INTS3: variants seen among roughly 807,000 people sequenced by gnomAD.
INTS3 encodes SOSS complex subunit A.
INTS3 carries 34 observed loss-of-function variants against 146.3 expected under a neutral mutation model. That is an observed-to-expected ratio of 0.23 (90% CI 0.18 to 0.31). The LOEUF (loss-of-function observed/expected upper bound fraction) is 0.31. INTS3 is among the 10% of genes least tolerant of loss of function. INTS3 has a pLI of 1.00. For synonymous variants in INTS3, 475 were observed against 494.9 expected (o/e 0.96, Z 0.53); for missense variants, 757 against 1,304.2 (o/e 0.58, Z 6.46).
In INTS3 at chr1:153,741,317, C is replaced by G; in HGVS notation, c.267C>G (p.Ile89Met). 1 of 1,614,122 alleles carries G rather than the reference C, an allele frequency of 6.2e-7. No individual in the cohort carries two copies. Among genetic ancestry groups the G allele is most frequent in the Non-Finnish European group, 8.5e-7 (1 of 1,180,008 alleles). Reference sequence around the variant, plus strand: ...AAGGCCTCCCCCAGCATGAAGAAATCTGCCTGGGCCTGTTTACTCTCATCC... The same window carrying G: ...AAGGCCTCCCCCAGCATGAAGAAATGTGCCTGGGCCTGTTTACTCTCATCC... ...VCKGLPQHEE[I>M]CLGLFTLILT... is the part of the protein sequence containing the mutation. The change falls in exon 3 of 30, where the codon ATC becomes ATG. Residue 89 changes from isoleucine (I) to methionine (M), a missense_variant. Transcript: ENST00000318967.
intron 9 of INTS3, among the ~76,000 whole-genome samples, chr1:153,756,622 C>T (rs928687673): frequency 4.6e-5 from 7 of 152,108 alleles, no homozygotes; most frequent in Non-Finnish European, 1.5e-5. Flanking sequence ...TCGAGACCAG[C>T]CTGACCAACA....
At position 153,769,804 on chromosome 1, in the gene INTS3, C is replaced by A; in HGVS notation, c.2349C>A (p.Asn783Lys). The change falls in exon 23 of 30, where the codon AAC becomes AAA. Residue 783 changes from asparagine to lysine, a missense_variant. Asn to Lys is a moderately conservative substitution (Grantham distance 94, BLOSUM62 0). Coordinates refer to ENST00000318967, the MANE Select transcript of INTS3 (RefSeq NM_023015.5). ...TGGTCTGCCACGTGATGATGGGTAA[C>A]CTGGTTATGTTTCGAAAAGACTCAG... is the stretch of plus-strand genomic sequence containing the variant. ...QELVCHVMMG[N>K]LVMFRKDSVL... 1 of 1,613,762 alleles carries A rather than the reference C, an allele frequency of 6.2e-7. No individual in the cohort carries two copies. Among genetic ancestry groups the A allele is most frequent in the African/African-American group, 1.3e-5 (1 of 74,966 alleles).
intron 1 of INTS3, among the ~76,000 whole-genome samples, chr1:153,729,972 A>G (rs1312290778): frequency 6.6e-6 from 1 of 152,104 alleles, no homozygotes; most frequent in African/African-American, 2.4e-5. Flanking sequence ...CAGGATGAGT[A>G]CATTAACAGG....
At chr1:153,736,286 T>G (rs191564082) in intron 1 of INTS3, among the ~76,000 whole-genome samples, 8 of 152,288 alleles carry the variant, frequency 5.3e-5, no homozygotes, top group Admixed American at 5.2e-4. Flanking sequence ...TTGTAATAAG[T>G]GGCTTGGGGC....
intron 3 of INTS3, among the ~76,000 whole-genome samples, chr1:153,742,331 A>T (rs531920756): frequency 4.6e-5 from 7 of 152,362 alleles, no homozygotes; most frequent in Admixed American, 1.3e-4. Context: ...AAGATCCTTG[A>T]AGACAAATGA....
intron 21 of INTS3, among the ~76,000 whole-genome samples, chr1:153,768,363 G>A (rs1336416855): frequency 6.6e-6 from 1 of 152,186 alleles, no homozygotes; most frequent in East Asian, 1.9e-4. Flanking sequence ...GAGGAACTGT[G>A]ATCTCAGCCG....
chr1:153,751,329 GT>G, intron 7 of INTS3, 90 bp downstream of exon 7: 1 of 1,291,920 alleles, frequency 7.7e-7, no homozygotes, highest in Non-Finnish European at 1.1e-6. Context: ...GAAATACCTT[GT>G]TAGAGATGAA....
At chr1:153,771,067 C>A (rs1415972525) in intron 25 of INTS3, among the ~76,000 whole-genome samples, 1 of 151,338 alleles carries the variant, frequency 6.6e-6, no homozygotes, top group African/African-American at 2.4e-5. Flanking sequence ...CTCCTGCTGG[C>A]CACCGCACAG....
chr1:153,744,682 C>G lies in INTS3; in HGVS notation c.319-2275C>G, dbSNP rs143081033. Among the ~76,000 whole-genome samples, 5 of 152,306 alleles carry G rather than the reference C, an allele frequency of 3.3e-5. No individual in the cohort carries two copies. In the East Asian group the frequency reaches 9.6e-4, roughly 29 times the overall value. On this transcript the variant is annotated intron_variant, in intron 3 of 29. Transcript: ENST00000318967. ...AATAGCTAATCTGTTAGGAGTCTCT[C>G]AAGGCTAGAGAGCAGATGGTACTGA...
chr1:153,768,250 G>A (rs1672673819), intron 21 of INTS3, among the ~76,000 whole-genome samples: 1 of 152,082 alleles, frequency 6.6e-6, no homozygotes, highest in Non-Finnish European at 1.5e-5. Flanking sequence ...CATTTCCCCT[G>A]GTTCACTCAC....
chr1:153,733,093 G>A (rs1000193671), intron 1 of INTS3, among the ~76,000 whole-genome samples: 2 of 150,320 alleles, frequency 1.3e-5, no homozygotes, highest in Admixed American at 6.6e-5. Context: ...CACCTACCTC[G>A]GCCTCCTAAA....
chr1:153,752,406 C>T lies in INTS3; in HGVS notation c.857C>T (p.Thr286Ile). Residue 286 changes from threonine (T) to isoleucine (I), a missense_variant and splice_region_variant, in exon 8 of 30, where the codon ACA becomes ATA. Transcript: ENST00000318967. ...CCTCAGGCCTTGAGTCCTCAGTTCA[C>T]AGGTAAGTAGGGTCTTAGGCATCCT... ...HNPQALSPQF[T>I]GILQLLQSRT... 6.2e-7 allele frequency: 1 copy of T among 1,610,268 alleles called. No homozygotes were observed.
chr1:153,765,794 T>C (rs1414491334), intron 20 of INTS3, among the ~76,000 whole-genome samples: 1 of 152,134 alleles, frequency 6.6e-6, no homozygotes, highest in Non-Finnish European at 1.5e-5. Context: ...GGTCTCGAAC[T>C]CCCGACCTCA....
chr1:153,742,392 T>C (rs1469623643), intron 3 of INTS3, among the ~76,000 whole-genome samples: 1 of 152,120 alleles, frequency 6.6e-6, no homozygotes, highest in Admixed American at 6.6e-5. Context: ...GTCCAGCACA[T>C]CCATTTTAAA....
At chr1:153,755,247 G>A (rs1047987057) in intron 9 of INTS3, among the ~76,000 whole-genome samples, 1 of 151,952 alleles carries the variant, frequency 6.6e-6, no homozygotes, top group African/African-American at 2.4e-5. Flanking sequence ...GGAATTTGTG[G>A]GGTTTTTTTT....
intron 1 of INTS3, among the ~76,000 whole-genome samples, chr1:153,730,751 T>C (rs1671031271): frequency 6.6e-6 from 1 of 152,128 alleles, no homozygotes; most frequent in Admixed American, 6.6e-5. Context: ...TTTTCTGATC[T>C]CCATAATGTG....
At chr1:153,733,705 A>G (rs1251576971) in intron 1 of INTS3, among the ~76,000 whole-genome samples, 8 of 151,424 alleles carry the variant, frequency 5.3e-5, no homozygotes, top group Non-Finnish European at 8.8e-5. Flanking sequence ...CCCGGGTTCA[A>G]GCGATTCTCC....
intron 20 of INTS3, among the ~76,000 whole-genome samples, chr1:153,765,946 C>G (rs1672562921): frequency 6.6e-6 from 1 of 151,930 alleles, no homozygotes; most frequent in East Asian, 1.9e-4. Context: ...TTTTTATCAC[C>G]CCAAAAAGAA....
chr1:153,767,586 G>T, intron 20 of INTS3, 88 bp from the exon 21 acceptor site: 1 of 1,377,622 alleles, frequency 7.3e-7, no homozygotes, highest in Non-Finnish European at 9.7e-7. Flanking sequence ...AGCCAGCAAA[G>T]CAGTTTTAGA....
Sources: allele counts gnomAD v4.1 joint callset (sites outside exome capture counted in the v4.1 genomes callset), GRCh38; gene constraint gnomAD v4.1.1; transcripts MANE v1.5; gene names NCBI Gene and HGNC (gene_info 2026-07-23, HGNC 2026-07-21).